TBC1D19: variants seen among roughly 807,000 people sequenced by gnomAD.
The protein encoded by TBC1D19 is TBC1 domain family, member 19.
A neutral mutation model predicts 89.0 loss-of-function variants in TBC1D19; 60 were observed. That is an observed-to-expected ratio of 0.67 (90% CI 0.55 to 0.84). The LOEUF (loss-of-function observed/expected upper bound fraction) is 0.84. Among genes scored for constraint, TBC1D19 ranks in the 40% least tolerant of loss-of-function variants. The pLI is 0.00. For synonymous variants in TBC1D19, 189 were observed against 199.7 expected (o/e 0.95, Z 0.45); for missense variants, 500 against 610.8 (o/e 0.82, Z 1.91).
the TBC1D19 span, among the ~76,000 whole-genome samples, chr4:26,780,387 CTT>C: frequency 2.0e-5 from 3 of 152,174 alleles, no homozygotes; most frequent in African/African-American, 7.2e-5. Flanking sequence ...TCTTGAGACT[CTT>C]TAATTTCCTT....
At position 26,632,230 on chromosome 4, in the gene TBC1D19, G is replaced by A. The variant is rs1052446116; in HGVS notation, c.295-4981G>A. ...TGACCCTTAAACAATGTGGGGTTTA[G>A]GGGTGCTGACCCTTCATGCAGTCAA... On this transcript the variant is annotated intron_variant, in intron 4 of 20. Coordinates refer to ENST00000264866, the MANE Select transcript of TBC1D19 (RefSeq NM_018317.4). 2.0e-5 allele frequency among the ~76,000 whole-genome samples: 3 copies of A among 151,880 alleles called. No individual in the cohort carries two copies. In the East Asian group the frequency reaches 5.8e-4, roughly 29 times the overall value.
intron 9 of TBC1D19, among the ~76,000 whole-genome samples, chr4:26,669,831 A>G (rs1264628620): frequency 6.6e-6 from 1 of 151,842 alleles, no homozygotes; most frequent in Non-Finnish European, 1.5e-5. Flanking sequence ...CTTGAACTGT[A>G]TAAACTACAT....
At chr4:26,777,414 C>T in the TBC1D19 span, among the ~76,000 whole-genome samples, 2 of 151,452 alleles carry the variant, frequency 1.3e-5, no homozygotes, top group Non-Finnish European at 1.5e-5. Context: ...AGGTTACAGG[C>T]GTGAGCCACC....
At chr4:26,826,201 C>T in the TBC1D19 span, among the ~76,000 whole-genome samples, 1 of 151,610 alleles carries the variant, frequency 6.6e-6, no homozygotes, top group African/African-American at 2.4e-5. Context: ...GACCTTGTCT[C>T]AAAAATAAAA....
the TBC1D19 span, among the ~76,000 whole-genome samples, chr4:26,807,230 G>A: frequency 6.6e-6 from 1 of 152,128 alleles, no homozygotes; most frequent in Non-Finnish European, 1.5e-5. Flanking sequence ...GAAGTGAGGA[G>A]ACCGGTATCC....
rs67034832 is a variant in TBC1D19, at chr4:26,656,987, T to TCTTCTTCTTCTC, written c.481-2605_481-2604insTCTTCTCCTTCT. On this transcript the variant is annotated intron_variant, in intron 7 of 20. Coordinates refer to ENST00000264866, the MANE Select transcript of TBC1D19 (RefSeq NM_018317.4). ...TTCTTCTTCTTCTTCTTCTTCTTCT[T>TCTTCTTCTTCTC]CTTCTCCTTCTCCTTCTCCTTCTCC... Among the ~76,000 whole-genome samples, 29 of 17,820 alleles carry TCTTCTTCTTCTC rather than the reference T, an allele frequency of 1.6e-3. 1 individual carries two copies. Among genetic ancestry groups the TCTTCTTCTTCTC allele is most frequent in the African/African-American group, 5.0e-3 (29 of 5,794 alleles). 11.7% of individuals were successfully genotyped at this position (17,820 alleles called of 152,430 possible).
the TBC1D19 span, among the ~76,000 whole-genome samples, chr4:26,840,546 TCTGCTGTTCCC>T: frequency 6.6e-6 from 1 of 152,166 alleles, no homozygotes; most frequent in Non-Finnish European, 1.5e-5. Flanking sequence ...TGCCCATTTT[TCTGCTGTTCCC>T]CTGGCCCCCA....
At chr4:26,701,922 T>C (rs999869072) in intron 13 of TBC1D19, among the ~76,000 whole-genome samples, 1 of 152,192 alleles carries the variant, frequency 6.6e-6, no homozygotes, top group African/African-American at 2.4e-5. Context: ...TGACTCATAG[T>C]AATCTGTGAC....
At chr4:26,736,450 C>T (rs894931356) in intron 16 of TBC1D19, among the ~76,000 whole-genome samples, 1 of 149,328 alleles carries the variant, frequency 6.7e-6, no homozygotes, top group African/African-American at 2.5e-5. Context: ...TGCTAGATGA[C>T]AAGTTAGTGG....
At chr4:26,737,373 AT>A (rs1472799630) in intron 16 of TBC1D19, among the ~76,000 whole-genome samples, 43 of 152,298 alleles carry the variant, frequency 2.8e-4, no homozygotes, top group African/African-American at 9.6e-4. Context: ...AATAATAAAA[AT>A]GTTCACTTTT....
chr4:26,608,879 C>T (rs748140474), intron 1 of TBC1D19, among the ~76,000 whole-genome samples: 6 of 151,322 alleles, frequency 4.0e-5, no homozygotes, highest in South Asian at 4.2e-4. Context: ...CACATGCACA[C>T]GTATGTTTAT....
the TBC1D19 span, among the ~76,000 whole-genome samples, chr4:26,843,824 G>A: frequency 1.3e-5 from 2 of 152,134 alleles, no homozygotes; most frequent in East Asian, 1.9e-4. Context: ...GCCTTGGAGA[G>A]CTTTTACCCA....
the TBC1D19 span, among the ~76,000 whole-genome samples, chr4:26,811,390 G>C: frequency 6.6e-6 from 1 of 152,200 alleles, no homozygotes; most frequent in Non-Finnish European, 1.5e-5. Context: ...AGAGTGGAGA[G>C]AAGGCAGCAG....
the TBC1D19 span, among the ~76,000 whole-genome samples, chr4:26,842,588 CTTTCTTTCTTTCTT>C: frequency 9.5e-6 from 1 of 104,736 alleles, no homozygotes; most frequent in African/African-American, 4.3e-5. Flanking sequence ...CCCTCCCTTT[CTTTCTTTCTTTCTT>C]TCTTTCTTTC....
the TBC1D19 span, among the ~76,000 whole-genome samples, chr4:26,794,045 C>T: frequency 5.3e-5 from 8 of 152,154 alleles, no homozygotes; most frequent in South Asian, 4.2e-4. Flanking sequence ...GGTGGGATCA[C>T]GTAGACTGAG....
intron 4 of TBC1D19, among the ~76,000 whole-genome samples, chr4:26,628,689 A>G (rs2110054701): frequency 6.6e-6 from 1 of 152,228 alleles, no homozygotes; most frequent in South Asian, 2.1e-4. Flanking sequence ...ACGTACAAAA[A>G]TCACAAGCAT....
At position 26,585,429 on chromosome 4, in the gene TBC1D19, G is replaced by A. The variant is rs1251829759; in HGVS notation, c.99+1137G>A. On this transcript the variant is annotated intron_variant, in intron 1 of 20. Transcript: ENST00000264866. ...CTAATGATATTAAGCATTTTCTTAT[G>A]TGCTTATATCTTTTTTGGTGAGGTA... 2.7e-5 allele frequency among the ~76,000 whole-genome samples: 4 copies of A among 150,928 alleles called. No individual in the cohort carries two copies. The South Asian group carries it at 6.3e-4, about 24-fold the overall frequency.
At chr4:26,597,451 T>G (rs1453245367) in intron 1 of TBC1D19, among the ~76,000 whole-genome samples, 2 of 152,038 alleles carry the variant, frequency 1.3e-5, no homozygotes, top group Non-Finnish European at 2.9e-5. Context: ...ACCTTCTTTG[T>G]GACTGTATTT....
the TBC1D19 span, among the ~76,000 whole-genome samples, chr4:26,778,531 T>A: frequency 1.3e-5 from 2 of 151,968 alleles, no homozygotes; most frequent in Admixed American, 1.3e-4. Flanking sequence ...ATTCCACAGG[T>A]GGTAGGGGAA....
Sources: allele counts gnomAD v4.1 joint callset (sites outside exome capture counted in the v4.1 genomes callset), GRCh38; gene constraint gnomAD v4.1.1; transcripts MANE v1.5; gene names NCBI Gene and HGNC (gene_info 2026-07-23, HGNC 2026-07-21).